The following MIS18BP1 variants were observed in gnomAD, a reference collection of about 807,000 sequenced individuals.
MIS18BP1 encodes the protein MIS18 binding protein 1.
Under a neutral mutation model 116.1 loss-of-function variants are expected in MIS18BP1, and 72 were observed. That is an observed-to-expected ratio of 0.62 (90% CI 0.51 to 0.75). The LOEUF (loss-of-function observed/expected upper bound fraction) is 0.75, where lower values mean the gene tolerates loss of function less well. MIS18BP1 is among the 30% of genes least tolerant of loss of function. MIS18BP1 has a pLI of 0.00. For missense variants in MIS18BP1, 1,363 were observed against 1,303.2 expected (o/e 1.05, Z -0.71); for synonymous variants, 386 against 427.0 (o/e 0.90, Z 1.18).
In MIS18BP1 at chr14:45,253,105, ACGCCGCCGGGCT is replaced by A. The variant is rs1891927232; in HGVS notation, c.-174_-163del. The A allele has an allele frequency of 6.6e-6, 1 of 152,314 alleles. No individual in the cohort carries two copies. Among genetic ancestry groups the A allele is most frequent in the African/African-American group, 2.4e-5 (1 of 41,458 alleles). 9.4% of individuals were successfully genotyped at this position (152,314 alleles called of 1,614,324 possible). A position where few individuals can be genotyped will look rare whatever the true frequency, so the allele number is the denominator to read the frequency against. ...CGGCTCCGCGCGGAGAGAGGGCCGCACGCCGCCGGGCTCGCGCCTCAGGCCCACGGTGTATCC... is the reference window on the plus strand; with the variant it reads ...CGGCTCCGCGCGGAGAGAGGGCCGCACGCGCCTCAGGCCCACGGTGTATCC... On this transcript the variant is annotated 5_prime_UTR_variant, in exon 1 of 17. Coordinates refer to ENST00000310806, the MANE Select transcript of MIS18BP1 (RefSeq NM_018353.5).
chr14:45,242,478 A>G lies in MIS18BP1; in HGVS notation c.699T>C (p.Ala233=), dbSNP rs1891608313. Reference sequence around the variant, plus strand: ...TTAATGTCTTGTTTCGGGCTTCTACAGCCAAAAAATTTTCCTGTTCTTGGT... The same window carrying G: ...TTAATGTCTTGTTTCGGGCTTCTACGGCCAAAAAATTTTCCTGTTCTTGGT... ...TLNQEQENFL[A]VEARNKTLTR... The change falls in exon 4 of 17, where the codon GCT becomes GCC. Residue 233 remains alanine (A), a synonymous_variant. Transcript: ENST00000310806. The G allele has an allele frequency of 6.3e-7, 1 of 1,598,328 alleles. No individual in the cohort carries two copies. Among genetic ancestry groups the G allele is most frequent in the South Asian group, 1.1e-5 (1 of 87,640 alleles).
chr14:45,253,076 G>C lies in MIS18BP1; in HGVS notation c.-133C>G, dbSNP rs1891925727. ...GGCAGGGAGAGACTGCCGCAGTTCC[G>C]GCTCGGCTCCGCGCGGAGAGAGGGC... On this transcript the variant is annotated 5_prime_UTR_variant, in exon 1 of 17. Coordinates refer to ENST00000310806, the MANE Select transcript of MIS18BP1 (RefSeq NM_018353.5). The C allele has an allele frequency of 6.6e-6, 1 of 152,358 alleles. No homozygotes were observed. Among genetic ancestry groups the C allele is most frequent in the Non-Finnish European group, 1.5e-5 (1 of 68,132 alleles). The allele number at this position is 152,358 out of a possible 1,614,324, so 9.4% of individuals were successfully genotyped here.
intron 7 of MIS18BP1, chr14:45,232,509 C>A: frequency 2.2e-6 from 1 of 446,438 alleles, no homozygotes; most frequent in Non-Finnish European, 4.1e-6. Flanking sequence ...TAAATTGTAC[C>A]TCAGGCCAGG....
chr14:45,232,880 CATT>C, intron 6 of MIS18BP1, 60 bp from the exon 7 acceptor site: 2 of 760,832 alleles, frequency 2.6e-6, no homozygotes, highest in Non-Finnish European at 4.4e-6. Flanking sequence ...AAACAGATAT[CATT>C]AATTCATTAC....
At position 45,237,731 on chromosome 14, in the gene MIS18BP1, T is replaced by C. The variant is rs1891467165; in HGVS notation, c.1144-10A>G. ...CCTGTAGCTGAACTACCTAATCAAG[T>C]ATAAAACAAAGAACATATTTCCTGT... is the stretch of plus-strand genomic sequence containing the variant. On this transcript the variant is annotated splice_polypyrimidine_tract_variant and intron_variant, in intron 4 of 16. Transcript: ENST00000310806. 7 of 1,588,602 alleles carry C rather than the reference T, an allele frequency of 4.4e-6. No homozygotes were observed. Among genetic ancestry groups the C allele is most frequent in the South Asian group, 1.2e-5 (1 of 86,100 alleles).
At chr14:45,235,104 G>A (rs572044829) in intron 6 of MIS18BP1, among the ~76,000 whole-genome samples, 36 of 151,846 alleles carry the variant, frequency 2.4e-4, no homozygotes, top group African/African-American at 8.0e-4. Context: ...TACTCGGGAG[G>A]CTGAGGCATG....
At chr14:45,205,813 C>T (rs560032970) in intron 15 of MIS18BP1, among the ~76,000 whole-genome samples, 24 of 152,150 alleles carry the variant, frequency 1.6e-4, no homozygotes, top group African/African-American at 5.8e-4. Context: ...ATATCCTTCC[C>T]AGACCTCTGT....
chr14:45,249,218 A>G (rs1469157774), intron 1 of MIS18BP1, among the ~76,000 whole-genome samples: 1 of 152,072 alleles, frequency 6.6e-6, no homozygotes, highest in Admixed American at 6.5e-5. Flanking sequence ...TAGCTTCCCA[A>G]GTAGCTGGGA....
At chr14:45,212,771 T>TCCCC (rs1361094791) in intron 13 of MIS18BP1, among the ~76,000 whole-genome samples, 1 of 152,020 alleles carries the variant, frequency 6.6e-6, no homozygotes, top group Non-Finnish European at 1.5e-5. Context: ...TGTAACTTGC[T>TCCCC]CCCCTCCCAA....
chr14:45,218,573 A>G, intron 11 of MIS18BP1, 119 bp from the exon 12 acceptor site: 2 of 921,800 alleles, frequency 2.2e-6, no homozygotes, highest in Non-Finnish European at 3.1e-6. Context: ...TTTTATCAAA[A>G]TCATTCTGGA....
rs1368383369 is a variant in MIS18BP1 at position 45,203,240 on chromosome 14, G to C, written c.*869C>G. 6.6e-6 allele frequency: 1 copy of C among 151,918 alleles called. No individual in the cohort carries two copies. Among genetic ancestry groups the C allele is most frequent in the African/African-American group, 2.4e-5 (1 of 41,338 alleles). The allele number at this position is 151,918 out of a possible 1,614,324, so 9.4% of individuals were successfully genotyped here. A position where few individuals can be genotyped will look rare whatever the true frequency, so the allele number is the denominator to read the frequency against. ...TTGAATAATCTAAATAGAGAACAAGGGTAGGTGAATGTGTAGCCAGAGGGA... is the reference window on the plus strand; with the variant it reads ...TTGAATAATCTAAATAGAGAACAAGCGTAGGTGAATGTGTAGCCAGAGGGA... On this transcript the variant is annotated 3_prime_UTR_variant, in exon 17 of 17. Transcript: ENST00000310806.
At chr14:45,245,575 G>T (rs1378846573) in intron 2 of MIS18BP1, among the ~76,000 whole-genome samples, 1 of 151,998 alleles carries the variant, frequency 6.6e-6, no homozygotes, top group Non-Finnish European at 1.5e-5. Flanking sequence ...CATTGGTCAG[G>T]CTGGTCTTGA....
At chr14:45,214,287 G>C (rs1474352320) in intron 13 of MIS18BP1, among the ~76,000 whole-genome samples, 2 of 152,236 alleles carry the variant, frequency 1.3e-5, no homozygotes, top group African/African-American at 4.8e-5. Context: ...TGAGATAGGA[G>C]AAAACCGCCT....
chr14:45,231,814 TC>T (rs1487856307), intron 7 of MIS18BP1, among the ~76,000 whole-genome samples: 1 of 152,124 alleles, frequency 6.6e-6, no homozygotes, highest in African/African-American at 2.4e-5. Context: ...AAGTTTAAAG[TC>T]CGTATCCCCT....
At chr14:45,210,215 C>T (rs187310960) in intron 14 of MIS18BP1, 165 bp downstream of exon 14, 15 of 651,198 alleles carry the variant, frequency 2.3e-5, no homozygotes, top group Admixed American at 1.0e-4. Flanking sequence ...AATAGCACCC[C>T]GATTTGATGA....
At chr14:45,247,699 CAAAATAAAAT>C (rs374250550) in intron 1 of MIS18BP1, among the ~76,000 whole-genome samples, 1 of 151,128 alleles carries the variant, frequency 6.6e-6, no homozygotes, top group African/African-American at 2.4e-5. Flanking sequence ...GACCTTGTCT[CAAAATAAAAT>C]AAAATAAAAT....
At chr14:45,235,769 T>C in intron 6 of MIS18BP1, 45 bp downstream of exon 6, 1 of 1,521,498 alleles carries the variant, frequency 6.6e-7, no homozygotes. Context: ...CATGGTTAAC[T>C]GCTTTACTTC....
chr14:45,223,814 T>G (rs1375323014), intron 11 of MIS18BP1, 104 bp downstream of exon 11: 1 of 826,790 alleles, frequency 1.2e-6, no homozygotes, highest in East Asian at 2.7e-5. Context: ...TTCTCCCTTT[T>G]TTTTAATGAC....
At chr14:45,219,744 CCA>C (rs1211654915) in intron 11 of MIS18BP1, among the ~76,000 whole-genome samples, 1 of 152,128 alleles carries the variant, frequency 6.6e-6, no homozygotes, top group African/African-American at 2.4e-5. Flanking sequence ...ATTAATCATT[CCA>C]CAGTGTTCTA....
Sources: gnomAD v4.1 joint callset for allele counts (sites outside exome capture counted in the v4.1 genomes callset) on GRCh38, gnomAD v4.1.1 for gene constraint, MANE v1.5 for transcripts, NCBI Gene and HGNC (gene_info 2026-07-23, HGNC 2026-07-21) for gene names.